The following SMOC2 variants were observed in gnomAD, a reference collection of about 807,000 sequenced individuals.
The protein encoded by SMOC2 is SPARC related modular calcium binding 2.
SMOC2 carries 39 observed loss-of-function variants against 61.4 expected under a neutral mutation model. The ratio of observed to expected loss-of-function variants is 0.64; its 90% CI spans 0.49 to 0.83. SMOC2 has a LOEUF of 0.83. Ranked by LOEUF, SMOC2 falls within the 40% of genes least tolerant of loss-of-function variation. SMOC2 has a pLI of 0.00. For missense variants in SMOC2, 556 were observed against 592.9 expected (o/e 0.94, Z 0.65); for synonymous variants, 247 against 239.9 (o/e 1.03, Z -0.27).
At chr6:168,509,768 C>T (rs553520545) in intron 1 of SMOC2, 147 bp from the exon 2 acceptor site, 131 of 626,966 alleles carry the variant, frequency 2.1e-4, no homozygotes, top group Admixed American at 3.9e-4. Flanking sequence ...GTGCACGTGG[C>T]GCTTCTGGCA....
At chr6:168,570,319 G>T (rs1286160150) in intron 7 of SMOC2, among the ~76,000 whole-genome samples, 1 of 152,178 alleles carries the variant, frequency 6.6e-6, no homozygotes, top group African/African-American at 2.4e-5. Context: ...CTTCTCTGTG[G>T]GGGTCTCTTC....
At chr6:168,536,635 T>C (rs1783739557) in intron 4 of SMOC2, among the ~76,000 whole-genome samples, 1 of 152,170 alleles carries the variant, frequency 6.6e-6, no homozygotes, top group Non-Finnish European at 1.5e-5. Context: ...TGCAAATTGC[T>C]TCTCCACTAA....
At chr6:168,477,923 G>A (rs1782126962) in intron 1 of SMOC2, among the ~76,000 whole-genome samples, 1 of 152,166 alleles carries the variant, frequency 6.6e-6, no homozygotes, top group Non-Finnish European at 1.5e-5. Flanking sequence ...CAGTGAAGGT[G>A]GGATTACTGT....
chr6:168,457,709 T>C (rs1323925858), intron 1 of SMOC2, among the ~76,000 whole-genome samples: 1 of 148,540 alleles, frequency 6.7e-6, no homozygotes, highest in Non-Finnish European at 1.5e-5. Context: ...CCGCCTCCTC[T>C]CTGGGGCTGG....
intron 1 of SMOC2, among the ~76,000 whole-genome samples, chr6:168,470,184 C>A (rs1468724566): frequency 6.6e-6 from 1 of 152,226 alleles, no homozygotes; most frequent in Non-Finnish European, 1.5e-5. Flanking sequence ...TGGTGATCCT[C>A]CTGCACTTTG....
At chr6:168,537,677 G>A (rs917785297) in intron 4 of SMOC2, among the ~76,000 whole-genome samples, 1 of 152,240 alleles carries the variant, frequency 6.6e-6, no homozygotes. Context: ...ACACAGGACC[G>A]CTGCTGCCCT....
chr6:168,451,064 A>G lies in SMOC2; in HGVS notation c.84+9610A>G, dbSNP rs74471584. On this transcript the variant is annotated intron_variant, in intron 1 of 12. Transcript: ENST00000356284. ...GGGTTGGCCTTAATTCTCCCAAGCAATGGGTGTGGCTAGAGCTCACTCCCT... is the reference window on the plus strand; with the variant it reads ...GGGTTGGCCTTAATTCTCCCAAGCAGTGGGTGTGGCTAGAGCTCACTCCCT... Among the ~76,000 whole-genome samples, 33 of 152,304 alleles carry G rather than the reference A, an allele frequency of 2.2e-4. No individual in the cohort carries two copies. The East Asian group carries it at 6.2e-3, about 29-fold the overall frequency.
chr6:168,467,934 ATATTG>A (rs1781881065), intron 1 of SMOC2, among the ~76,000 whole-genome samples: 1 of 152,250 alleles, frequency 6.6e-6, no homozygotes, highest in Admixed American at 6.5e-5. Flanking sequence ...ATATATGTAC[ATATTG>A]TATAGTTTTG....
chr6:168,606,756 C>A (rs1203952070), intron 8 of SMOC2, among the ~76,000 whole-genome samples: 2 of 151,782 alleles, frequency 1.3e-5, no homozygotes, highest in Non-Finnish European at 2.9e-5. Context: ...CCGGGCCGGA[C>A]CCCCTCCCGC....
intron 11 of SMOC2, among the ~76,000 whole-genome samples, chr6:168,661,681 C>T (rs1204820840): frequency 6.6e-6 from 1 of 152,166 alleles, no homozygotes; most frequent in Non-Finnish European, 1.5e-5. Context: ...CTTTAATCTA[C>T]AGCTACTTCT....
At chr6:168,578,770 C>G (rs1347835254) in intron 7 of SMOC2, among the ~76,000 whole-genome samples, 1 of 152,184 alleles carries the variant, frequency 6.6e-6, no homozygotes, top group Non-Finnish European at 1.5e-5. Flanking sequence ...AGCAAAAGTG[C>G]CTATTATGAA....
chr6:168,461,630 G>A (rs1781720189), intron 1 of SMOC2, among the ~76,000 whole-genome samples: 1 of 152,108 alleles, frequency 6.6e-6, no homozygotes, highest in Non-Finnish European at 1.5e-5. Flanking sequence ...GCACTTTAAA[G>A]CATTTCGGAT....
intron 9 of SMOC2, among the ~76,000 whole-genome samples, chr6:168,632,667 A>G (rs998639244): frequency 2.0e-5 from 3 of 152,326 alleles, no homozygotes; most frequent in African/African-American, 7.2e-5. Context: ...CCAGCCTATT[A>G]TAAGCTATCC....
intron 8 of SMOC2, among the ~76,000 whole-genome samples, chr6:168,601,313 A>T (rs1248230775): frequency 6.6e-6 from 1 of 152,172 alleles, no homozygotes; most frequent in Non-Finnish European, 1.5e-5. Flanking sequence ...CCAGCGCTCC[A>T]CCGTCCGGCC....
At chr6:168,583,129 A>G (rs1281041835) in intron 7 of SMOC2, among the ~76,000 whole-genome samples, 3 of 152,376 alleles carry the variant, frequency 2.0e-5, no homozygotes, top group Non-Finnish European at 2.9e-5. Context: ...AAAGTAATTC[A>G]TGCTAGCCAT....
intron 7 of SMOC2, among the ~76,000 whole-genome samples, chr6:168,552,316 T>A (rs1784145976): frequency 6.6e-6 from 1 of 152,236 alleles, no homozygotes; most frequent in African/African-American, 2.4e-5. Context: ...TACTTTTACT[T>A]GTAATCATCT....
rs1443489326 is a variant in SMOC2, at chr6:168,544,692, TA to T, written c.511+1025del. The stretch of plus-strand genomic sequence containing the variant: ...TGTCTCAAAAACAAAAACAAAATAA[TA>T]AAAATAAAAATCGGAGTTTTATTCA... On this transcript the variant is annotated intron_variant, in intron 5 of 12. Coordinates refer to ENST00000356284, the MANE Select transcript of SMOC2 (RefSeq NM_001166412.2). The surrounding 1 kb of genome is among the most constrained non-coding windows in gnomAD (Gnocchi z 4.1). Among the ~76,000 whole-genome samples, 1 of 151,984 alleles carries T rather than the reference TA, an allele frequency of 6.6e-6. No individual in the cohort carries two copies. Among genetic ancestry groups the T allele is most frequent in the African/African-American group, 2.4e-5 (1 of 41,372 alleles).
chr6:168,552,373 G>T (rs2115110924), intron 7 of SMOC2, among the ~76,000 whole-genome samples: 1 of 152,156 alleles, frequency 6.6e-6, no homozygotes, highest in Non-Finnish European at 1.5e-5. Flanking sequence ...AGTAATTTTT[G>T]ATAATAATTT....
rs1044226003 is a variant in SMOC2 at position 168,544,941 on chromosome 6, A to C, written c.511+1269A>C. Among the ~76,000 whole-genome samples, 6 of 152,178 alleles carry C rather than the reference A, an allele frequency of 3.9e-5. No individual in the cohort carries two copies. Among genetic ancestry groups the C allele is most frequent in the African/African-American group, 7.2e-5 (3 of 41,442 alleles). On this transcript the variant is annotated intron_variant, in intron 5 of 12. Transcript: ENST00000356284. The surrounding 1 kb of genome is among the most constrained non-coding windows in gnomAD (Gnocchi z 4.1). ...TGTAACAGGTGTGAGCTGGAACAGAAGAAGCCTCACAGTCAAGGAAGATAG... is the reference window on the plus strand; with the variant it reads ...TGTAACAGGTGTGAGCTGGAACAGACGAAGCCTCACAGTCAAGGAAGATAG...
Sources: allele counts gnomAD v4.1 joint callset (sites outside exome capture counted in the v4.1 genomes callset), GRCh38; gene constraint gnomAD v4.1.1; non-coding constraint Gnocchi (gnomAD v3.1); transcripts MANE v1.5; gene names NCBI Gene and HGNC (gene_info 2026-07-23, HGNC 2026-07-21).